Variants in ZNF385D observed in about 807,000 individuals in gnomAD.
ZNF385D encodes zinc finger protein 659.
ZNF385D carries 15 observed loss-of-function variants against 35.8 expected under a neutral mutation model. The ratio of observed to expected loss-of-function variants is 0.42; its 90% confidence interval spans 0.28 to 0.64. ZNF385D has a LOEUF of 0.64. ZNF385D is among the 30% of genes least tolerant of loss of function. The pLI, the probability that ZNF385D is intolerant of heterozygous loss-of-function variation, is 0.23. For missense variants in ZNF385D, 474 were observed against 494.6 expected (o/e 0.96, Z 0.39); for synonymous variants, 212 against 186.8 (o/e 1.13, Z -1.10).
chr3:22,290,852 G>A (rs188041478), intron 2 of ZNF385D, among the ~76,000 whole-genome samples: 36 of 152,188 alleles, frequency 2.4e-4, no homozygotes, highest in African/African-American at 7.9e-4. Context: ...TCCTACATGC[G>A]GGGGCTTTTA....
At chr3:22,061,447 A>AC (rs949349234) in intron 3 of ZNF385D, among the ~76,000 whole-genome samples, 75 of 152,156 alleles carry the variant, frequency 4.9e-4, no homozygotes, top group Admixed American at 1.6e-3. Context: ...TTAAACGTTT[A>AC]CCCCACAGAG....
At chr3:22,063,377 T>G (rs536182235) in intron 3 of ZNF385D, among the ~76,000 whole-genome samples, 1 of 152,290 alleles carries the variant, frequency 6.6e-6, no homozygotes, top group South Asian at 2.1e-4. Context: ...TAATAAAAAT[T>G]GAATAAAGCC....
intron 3 of ZNF385D, among the ~76,000 whole-genome samples, chr3:21,866,778 G>T (rs560814865): frequency 1.3e-5 from 2 of 152,176 alleles, no homozygotes; most frequent in Middle Eastern, 3.4e-3. Context: ...ATTTAATGCC[G>T]TGCTTTTATC....
chr3:21,828,951 C>G (rs573965037), intron 3 of ZNF385D, among the ~76,000 whole-genome samples: 1 of 152,154 alleles, frequency 6.6e-6, no homozygotes, highest in Non-Finnish European at 1.5e-5. Flanking sequence ...CTGACTTTGT[C>G]CCTCTTGTCT....
At chr3:21,859,023 T>C (rs1020622542) in intron 3 of ZNF385D, among the ~76,000 whole-genome samples, 5 of 151,940 alleles carry the variant, frequency 3.3e-5, no homozygotes, top group Non-Finnish European at 2.9e-5. Context: ...ATCATCCTCA[T>C]ACATATAACG....
chr3:21,800,287 T>C (rs879460953), intron 3 of ZNF385D, among the ~76,000 whole-genome samples: 1 of 152,212 alleles, frequency 6.6e-6, no homozygotes, highest in African/African-American at 2.4e-5. Context: ...AAAATGTTTA[T>C]TGGGCTTTTG....
intron 3 of ZNF385D, among the ~76,000 whole-genome samples, chr3:21,868,890 T>G (rs1396108619): frequency 6.6e-6 from 1 of 152,118 alleles, no homozygotes; most frequent in East Asian, 1.9e-4. Context: ...CGAGGCAAAT[T>G]GTGCCTTCCT....
At chr3:21,902,482 T>C (rs1176215121) in intron 3 of ZNF385D, among the ~76,000 whole-genome samples, 1 of 152,156 alleles carries the variant, frequency 6.6e-6, no homozygotes, top group East Asian at 1.9e-4. Context: ...TGGGAATAGA[T>C]CAAGTTACAT....
intron 3 of ZNF385D, chr3:21,942,771 A>T (rs1419494561): frequency 6.6e-6 from 1 of 152,238 alleles, no homozygotes; most frequent in African/African-American, 2.4e-5. Context: ...GTAGGGGAAG[A>T]AAAGAACACT....
At chr3:22,291,845 C>CT (rs1342125355) in intron 2 of ZNF385D, among the ~76,000 whole-genome samples, 1 of 151,960 alleles carries the variant, frequency 6.6e-6, no homozygotes, top group African/African-American at 2.4e-5. Context: ...AAATTTAATG[C>CT]TTTTTTATTT....
At chr3:21,948,570 C>T (rs1048128823) in intron 3 of ZNF385D, among the ~76,000 whole-genome samples, 3 of 151,950 alleles carry the variant, frequency 2.0e-5, no homozygotes, top group Non-Finnish European at 2.9e-5. Context: ...ATGCCATTTT[C>T]GTTGTGAAAA....
chr3:22,122,685 T>G (rs58247663), intron 3 of ZNF385D, among the ~76,000 whole-genome samples: 2 of 151,980 alleles, frequency 1.3e-5, no homozygotes, highest in Non-Finnish European at 2.9e-5. Context: ...AGAGTATATA[T>G]ATGGGGGAGG....
At chr3:22,095,323 C>G (rs538528445) in intron 3 of ZNF385D, among the ~76,000 whole-genome samples, 1 of 151,870 alleles carries the variant, frequency 6.6e-6, no homozygotes, top group African/African-American at 2.4e-5. Context: ...TTTTTAAATT[C>G]TGCACATCTA....
intron 2 of ZNF385D, among the ~76,000 whole-genome samples, chr3:22,263,756 T>G (rs1291945386): frequency 6.6e-6 from 1 of 151,930 alleles, no homozygotes; most frequent in African/African-American, 2.4e-5. Flanking sequence ...CCACAAGACA[T>G]TTGGTAATGT....
intron 3 of ZNF385D, among the ~76,000 whole-genome samples, chr3:21,922,471 C>T (rs942094548): frequency 6.6e-6 from 1 of 152,064 alleles, no homozygotes; most frequent in Non-Finnish European, 1.5e-5. Context: ...ATAGACAACC[C>T]AGAAATAGAG....
chr3:22,122,576 G>T (rs539119694), intron 3 of ZNF385D, among the ~76,000 whole-genome samples: 1 of 152,120 alleles, frequency 6.6e-6, no homozygotes, highest in Non-Finnish European at 1.5e-5. Context: ...CTCTGCATTT[G>T]TAGAGCTTAA....
chr3:22,041,339 C>A (rs1698652102), intron 3 of ZNF385D, among the ~76,000 whole-genome samples: 2 of 151,982 alleles, frequency 1.3e-5, no homozygotes, highest in Non-Finnish European at 2.9e-5. Flanking sequence ...CCCATGCCCA[C>A]CCCAGAGAGA....
At chr3:22,338,391 C>T (rs1695266498) in intron 2 of ZNF385D, among the ~76,000 whole-genome samples, 1 of 152,028 alleles carries the variant, frequency 6.6e-6, no homozygotes, top group Non-Finnish European at 1.5e-5. Flanking sequence ...CTTTTGATAA[C>T]ATAGAATTCC....
At chr3:21,616,325 G>A (rs576234073) in intron 2 of ZNF385D, among the ~76,000 whole-genome samples, 1 of 152,230 alleles carries the variant, frequency 6.6e-6, no homozygotes, top group East Asian at 1.9e-4. Context: ...ACAGGGCAAG[G>A]AATGGCTTAA....
Sources: allele counts gnomAD v4.1 joint callset (sites outside exome capture counted in the v4.1 genomes callset), GRCh38; gene constraint gnomAD v4.1.1; transcripts MANE v1.5; gene names NCBI Gene and HGNC (gene_info 2026-07-23, HGNC 2026-07-21).